ST6GALNAC3: variants seen among roughly 807,000 people sequenced by gnomAD.
ST6GALNAC3 encodes ST6 N-acetylgalactosaminide alpha-2,6-sialyltransferase 3.
Under a neutral mutation model 32.7 loss-of-function variants are expected in ST6GALNAC3, and 25 were observed. That is an observed-to-expected ratio of 0.76 (90% confidence interval 0.56 to 1.07). The LOEUF (loss-of-function observed/expected upper bound fraction) is 1.07. Ranked by LOEUF, ST6GALNAC3 falls within the 50% of genes least tolerant of loss-of-function variation. The pLI, the probability that ST6GALNAC3 is intolerant of heterozygous loss-of-function variation, is 0.00. For synonymous variants in ST6GALNAC3, 129 were observed against 133.1 expected (o/e 0.97, Z 0.21); for missense variants, 355 against 382.4 (o/e 0.93, Z 0.60).
chr1:76,568,226 C>T (rs1665666832), intron 3 of ST6GALNAC3, among the ~76,000 whole-genome samples: 1 of 152,124 alleles, frequency 6.6e-6, no homozygotes, highest in Non-Finnish European at 1.5e-5. Context: ...GGTCTAGTGG[C>T]TTGCCCAAGA....
Position 76,152,776 on chromosome 1 carries a change from A to G in ST6GALNAC3, c.18+77892A>G, listed in dbSNP as rs1014634406. Among the ~76,000 whole-genome samples the G allele has an allele frequency of 3.9e-5, 6 of 152,118 alleles. No individual in the cohort carries two copies. In the East Asian group the frequency reaches 9.6e-4, roughly 24 times the overall value. On this transcript the variant is annotated intron_variant, in intron 1 of 4. Transcript: ENST00000328299. ...GACCGTTGGGCAGAGATTTCCCATCATGGGATCAGCCATAGACCATATCCA... is the reference window on the plus strand; with the variant it reads ...GACCGTTGGGCAGAGATTTCCCATCGTGGGATCAGCCATAGACCATATCCA...
intron 3 of ST6GALNAC3, among the ~76,000 whole-genome samples, chr1:76,530,334 C>A (rs995805493): frequency 6.6e-6 from 1 of 152,122 alleles, no homozygotes; most frequent in Admixed American, 6.6e-5. Flanking sequence ...GCAGGGCTGA[C>A]CTGAGGCCCC....
chr1:76,112,220 C>G (rs76077467), intron 1 of ST6GALNAC3, among the ~76,000 whole-genome samples: 4 of 121,972 alleles, frequency 3.3e-5, no homozygotes, highest in Non-Finnish European at 7.4e-5. Context: ...ACCTCCCGGA[C>G]GGGGCGGCTG....
chr1:76,424,461 T>C (rs1486650186), intron 3 of ST6GALNAC3, among the ~76,000 whole-genome samples: 3 of 151,886 alleles, frequency 2.0e-5, no homozygotes, highest in African/African-American at 7.2e-5. Context: ...ACATTGTGGG[T>C]GTTCAATAAA....
intron 2 of ST6GALNAC3, among the ~76,000 whole-genome samples, chr1:76,378,665 C>A (rs1007225022): frequency 5.9e-5 from 6 of 101,560 alleles, no homozygotes; most frequent in Admixed American, 1.1e-4. Flanking sequence ...TCCTTCCCCC[C>A]CCCAAAAAAA....
intron 1 of ST6GALNAC3, among the ~76,000 whole-genome samples, chr1:76,113,350 GA>G (rs1557625529): frequency 1.4e-5 from 2 of 144,228 alleles, no homozygotes; most frequent in Non-Finnish European, 1.5e-5. Context: ...GAGGGAGGGG[GA>G]GGGGGAGGGG....
intron 3 of ST6GALNAC3, among the ~76,000 whole-genome samples, chr1:76,557,570 C>A (rs182867309): frequency 6.6e-6 from 1 of 152,088 alleles, no homozygotes; most frequent in East Asian, 1.9e-4. Context: ...TGTTTAATCC[C>A]CATGGTAGCC....
chr1:76,134,912 G>A (rs939853574), intron 1 of ST6GALNAC3, among the ~76,000 whole-genome samples: 2 of 152,232 alleles, frequency 1.3e-5, no homozygotes, highest in African/African-American at 4.8e-5. Flanking sequence ...GGAGGCCGAG[G>A]CAGGCAGATC....
At chr1:76,255,938 G>A (rs191093898) in intron 1 of ST6GALNAC3, among the ~76,000 whole-genome samples, 2 of 151,718 alleles carry the variant, frequency 1.3e-5, no homozygotes, top group Admixed American at 6.6e-5. Flanking sequence ...GCTTCTATGC[G>A]GGAAAAGGAA....
intron 2 of ST6GALNAC3, among the ~76,000 whole-genome samples, chr1:76,361,231 T>C (rs1649909257): frequency 6.6e-6 from 1 of 152,148 alleles, no homozygotes; most frequent in African/African-American, 2.4e-5. Context: ...CCCATTCCCC[T>C]GTCCCCTCAT....
chr1:76,532,853 C>T (rs557514987), intron 3 of ST6GALNAC3, among the ~76,000 whole-genome samples: 1 of 128,334 alleles, frequency 7.8e-6, no homozygotes, highest in Admixed American at 8.9e-5. Flanking sequence ...TCTACCAATG[C>T]TCACAGATGA....
intron 3 of ST6GALNAC3, among the ~76,000 whole-genome samples, chr1:76,457,956 A>C (rs370909755): frequency 1.3e-5 from 2 of 150,324 alleles, no homozygotes; most frequent in Admixed American, 6.6e-5. Flanking sequence ...CAACCTACAA[A>C]ATGGGAGAAA....
At chr1:76,394,055 G>C (rs1311116023) in intron 2 of ST6GALNAC3, among the ~76,000 whole-genome samples, 1 of 152,198 alleles carries the variant, frequency 6.6e-6, no homozygotes, top group Admixed American at 6.5e-5. Context: ...CTTTTGTGGA[G>C]TATGAGTAGC....
intron 1 of ST6GALNAC3, among the ~76,000 whole-genome samples, chr1:76,147,796 T>C (rs1160696876): frequency 6.6e-6 from 1 of 152,140 alleles, no homozygotes; most frequent in Non-Finnish European, 1.5e-5. Flanking sequence ...CTTTATTCCC[T>C]ACTCTTCTCT....
intron 3 of ST6GALNAC3, among the ~76,000 whole-genome samples, chr1:76,548,597 G>A (rs1664437739): frequency 1.3e-5 from 2 of 152,254 alleles, no homozygotes; most frequent in South Asian, 4.1e-4. Flanking sequence ...AAGGAGAATA[G>A]TCCCCAGAGA....
chr1:76,538,469 A>G (rs896949536), intron 3 of ST6GALNAC3, among the ~76,000 whole-genome samples: 6 of 152,188 alleles, frequency 3.9e-5, no homozygotes, highest in African/African-American at 1.2e-4. Flanking sequence ...CAAGACAAGG[A>G]TGCCCTCTCT....
intron 3 of ST6GALNAC3, among the ~76,000 whole-genome samples, chr1:76,603,491 G>C (rs181695112): frequency 6.6e-6 from 1 of 152,154 alleles, no homozygotes; most frequent in Non-Finnish European, 1.5e-5. Flanking sequence ...AAATGATGCC[G>C]TTTATGTAAA....
At chr1:76,602,383 T>C (rs1647275611) in intron 3 of ST6GALNAC3, among the ~76,000 whole-genome samples, 1 of 151,754 alleles carries the variant, frequency 6.6e-6, no homozygotes, top group African/African-American at 2.4e-5. Context: ...TAAGTGAGTG[T>C]GGGTGGGTGA....
chr1:76,488,323 ACCC>A (rs2101682124), intron 3 of ST6GALNAC3, among the ~76,000 whole-genome samples: 1 of 111,802 alleles, frequency 8.9e-6, no homozygotes, highest in South Asian at 3.8e-4. Flanking sequence ...TGTGCCGGCT[ACCC>A]CTTCACCTTC....
Sources: allele counts gnomAD v4.1 joint callset (sites outside exome capture counted in the v4.1 genomes callset), GRCh38; gene constraint gnomAD v4.1.1; transcripts MANE v1.5; gene names NCBI Gene and HGNC (gene_info 2026-07-23, HGNC 2026-07-21).